Variants in ERN1 observed in about 807,000 individuals in gnomAD.
ERN1 encodes the protein endoplasmic reticulum to nucleus signaling 1.
A neutral mutation model predicts 113.1 loss-of-function variants in ERN1; 39 were observed. That is an observed-to-expected ratio of 0.34 (90% CI 0.27 to 0.45). The LOEUF is 0.45. Among genes scored for constraint, ERN1 ranks in the 20% least tolerant of loss-of-function variants. ERN1 has a pLI of 1.00. For synonymous variants in ERN1, 507 were observed against 515.9 expected (o/e 0.98, Z 0.23); for missense variants, 976 against 1,274.8 (o/e 0.77, Z 3.57).
intron 1 of ERN1, among the ~76,000 whole-genome samples, chr17:64,105,470 C>T (rs1914499696): frequency 6.6e-6 from 1 of 152,168 alleles, no homozygotes; most frequent in Non-Finnish European, 1.5e-5. Flanking sequence ...CACACCTCCA[C>T]TCCAACAGAC....
rs757626779 is a variant in ERN1, at chr17:64,049,123, G to A, written c.2333C>T (p.Ser778Phe). ...GAGGATGTTGGCCTGCCGCTGCAGG[G>A]ACTTGCCAAAAGGGTGGCTGCCCTC... ...ISEGSHPFGK[S>F]LQRQANILLG... Residue 778 changes from serine (S) to phenylalanine (F), a missense_variant, in exon 18 of 22, where the codon TCC becomes TTC. By Grantham distance (155) the Ser-to-Phe change is radical. This residue lies in a region of ERN1 where 297 missense variants were observed against 457.8 expected (regional missense o/e 0.65). Coordinates refer to ENST00000433197, the MANE Select transcript of ERN1 (RefSeq NM_001433.5). The surrounding 1 kb of genome is among the most constrained non-coding windows in gnomAD (Gnocchi z 4.7). 5.0e-6 allele frequency: 8 copies of A among 1,611,006 alleles called. No homozygotes were observed. The highest frequency in any genetic ancestry group is 6.8e-6 in the Non-Finnish European group (8 of 1,177,726).
Position 64,042,043 on chromosome 17 carries a change from G to A in ERN1, c.*1945C>T, listed in dbSNP as rs1197103362. ...ACGAGCTGGGCTGGGGGCACTCCCT[G>A]TGGCAGGCCTGTTAAATCACTCGTG... On this transcript the variant is annotated 3_prime_UTR_variant, in exon 22 of 22. Transcript: ENST00000433197. The A allele has an allele frequency of 6.6e-6, 1 of 152,282 alleles. No individual in the cohort carries two copies. Among genetic ancestry groups the A allele is most frequent in the Admixed American group, 6.5e-5 (1 of 15,292 alleles). The allele number at this position is 152,282 out of a possible 1,614,324, so 9.4% of individuals were successfully genotyped here.
chr17:64,073,388 G>T (rs183708207), intron 5 of ERN1, among the ~76,000 whole-genome samples: 1 of 146,116 alleles, frequency 6.8e-6, no homozygotes, highest in East Asian at 2.0e-4. Context: ...TGTTAGTCAG[G>T]ATGGTCTCCA....
chr17:64,126,403 T>C (rs1915081831), intron 1 of ERN1, among the ~76,000 whole-genome samples: 1 of 151,828 alleles, frequency 6.6e-6, no homozygotes, highest in African/African-American at 2.4e-5. Flanking sequence ...AAAAACGGAG[T>C]CCAAATCTGG....
intron 18 of ERN1, 92 bp downstream of exon 18, chr17:64,048,963 C>G: frequency 7.7e-7 from 1 of 1,303,508 alleles, no homozygotes; most frequent in South Asian, 1.8e-5. Context: ...ACCACGGCCT[C>G]TGTGAGTGCA....
At chr17:64,067,645 C>T (rs1179464385) in intron 7 of ERN1, among the ~76,000 whole-genome samples, 1 of 151,742 alleles carries the variant, frequency 6.6e-6, no homozygotes, top group Non-Finnish European at 1.5e-5. Flanking sequence ...GAAAGTCAGA[C>T]CTGAACCACT....
In ERN1 at chr17:64,095,638, G is replaced by A. The variant is rs75491046; in HGVS notation, c.175+2483C>T. Among the ~76,000 whole-genome samples, 298 of 152,050 alleles carry A rather than the reference G, an allele frequency of 2.0e-3. 11 individuals carry two copies. In the East Asian group the frequency reaches 0.047, roughly 24 times the overall value. On this transcript the variant is annotated intron_variant, in intron 2 of 21. Coordinates refer to ENST00000433197, the MANE Select transcript of ERN1 (RefSeq NM_001433.5). ...CCCACACACAGCTGCTAGAGTCATC[G>A]AAAAGCGAGCACCTGTTGAGTCACT...
Position 64,043,962 on chromosome 17 carries a change from CA to C in ERN1, c.*25del. On this transcript the variant is annotated 3_prime_UTR_variant, in exon 22 of 22. Coordinates refer to ENST00000433197, the MANE Select transcript of ERN1 (RefSeq NM_001433.5). ...CCAGGCCCTCAGTCACAGCTGGGGC[CA>C]CCAGAACAGAGGGGCCGCCCTCGCT... 6.6e-7 allele frequency: 1 copy of C among 1,515,410 alleles called. No individual in the cohort carries two copies. Among genetic ancestry groups the C allele is most frequent in the Non-Finnish European group, 9.1e-7 (1 of 1,099,204 alleles). 93.9% of individuals were successfully genotyped at this position (1,515,410 alleles called of 1,614,324 possible).
chr17:64,044,204 CA>C lies in ERN1; in HGVS notation c.2722-5del. ...GCAGCTCCCGGTAGTGGTGCTTCTG[CA>C]AAGAGTTAGAAAGCTCGGGAGATTA... is the stretch of plus-strand genomic sequence containing the variant. On this transcript the variant is annotated splice_polypyrimidine_tract_variant and splice_region_variant and intron_variant, in intron 21 of 21. Coordinates refer to ENST00000433197, the MANE Select transcript of ERN1 (RefSeq NM_001433.5). This position sits in a 1 kb window ranked among gnomAD's most constrained non-coding sequence, Gnocchi z 4.1. 6.6e-7 allele frequency: 1 copy of C among 1,522,614 alleles called. No homozygotes were observed. The highest frequency in any genetic ancestry group is 1.4e-5 in the African/African-American group (1 of 72,154). 94.3% of individuals were successfully genotyped at this position (1,522,614 alleles called of 1,614,324 possible).
intron 3 of ERN1, 36 bp downstream of exon 3, chr17:64,080,739 A>G (rs776286541): frequency 1.3e-6 from 2 of 1,597,432 alleles, no homozygotes; most frequent in Admixed American, 3.4e-5. Flanking sequence ...AGAAGACTGA[A>G]TTAAAGGGAA....
In ERN1 at chr17:64,044,262, C is replaced by A; in HGVS notation, c.2722-62G>T. Reference sequence around the variant, plus strand: ...GGTTAGAAAGCTCGGGAAATGTTGGCAAAACACCCTTTCATCATGCAAGGA... The same window carrying A: ...GGTTAGAAAGCTCGGGAAATGTTGGAAAAACACCCTTTCATCATGCAAGGA... On this transcript the variant is annotated intron_variant, in intron 21 of 21. Transcript: ENST00000433197. This position sits in a 1 kb window ranked among gnomAD's most constrained non-coding sequence, Gnocchi z 4.1. 1.7e-6 allele frequency: 2 copies of A among 1,178,426 alleles called. No individual in the cohort carries two copies. The highest frequency in any genetic ancestry group is 2.6e-5 in the East Asian group (1 of 37,964). The allele number at this position is 1,178,426 out of a possible 1,614,324, so 73.0% of individuals were successfully genotyped here. A position where few individuals can be genotyped will look rare whatever the true frequency, so the allele number is the denominator to read the frequency against.
At chr17:64,089,473 A>AT (rs1914029625) in intron 2 of ERN1, among the ~76,000 whole-genome samples, 1 of 152,144 alleles carries the variant, frequency 6.6e-6, no homozygotes, top group African/African-American at 2.4e-5. Context: ...TGGGTTTCAG[A>AT]TTTTCAGATT....
chr17:64,075,264 AAAG>A lies in ERN1; in HGVS notation c.283-20_283-18del. On this transcript the variant is annotated intron_variant, in intron 4 of 21. Transcript: ENST00000433197. ...AGGAAGTTTCTTTAAAAAAAAAAAA[AAAG>A]AAAAAAAAAAGTTAACCAAGTCTTG... 4.0e-6 allele frequency: 6 copies of A among 1,489,202 alleles called. No individual in the cohort carries two copies. The highest frequency in any genetic ancestry group is 5.3e-6 in the Non-Finnish European group (6 of 1,126,766). 92.2% of individuals were successfully genotyped at this position (1,489,202 alleles called of 1,614,324 possible). A position where few individuals can be genotyped will look rare whatever the true frequency, so the allele number is the denominator to read the frequency against.
intron 6 of ERN1, 40 bp downstream of exon 6, chr17:64,071,941 G>C (rs1913433056): frequency 6.5e-7 from 1 of 1,549,114 alleles, no homozygotes. Flanking sequence ...CGATCTTCTG[G>C]AAACAGGCAG....
intron 2 of ERN1, among the ~76,000 whole-genome samples, chr17:64,096,882 T>A (rs1914245504): frequency 1.3e-5 from 2 of 152,234 alleles, no homozygotes; most frequent in East Asian, 3.8e-4. Flanking sequence ...AGGGTGAAGA[T>A]GCCCTGCCTG....
At position 64,066,763 on chromosome 17, in the gene ERN1, C is replaced by T. The variant is rs1311737208; in HGVS notation, c.750G>A (p.Leu250=). Residue 250 remains leucine, a synonymous_variant, in exon 8 of 22, where the codon CTG becomes CTA. Transcript: ENST00000433197. ...VMHINVAVET[L]RYLTFMSGEV... ...CCCCAGACATGAAGGTCAGATAGCG[C>T]AGGGTCTCCACAGCGACATTGATGT... 1.9e-6 allele frequency: 3 copies of T among 1,613,794 alleles called. No homozygotes were observed. The highest frequency in any genetic ancestry group is 1.3e-5 in the African/African-American group (1 of 74,886).
In ERN1 at chr17:64,064,051, T is replaced by C. The variant is rs371802368; in HGVS notation, c.1022A>G (p.Lys341Arg). 1.9e-5 allele frequency: 31 copies of C among 1,613,848 alleles called. No individual in the cohort carries two copies. In the East Asian group the frequency reaches 4.7e-4, roughly 24 times the overall value. ...CTTGCTTTTGAGTCCGGGATCAAACTTGACGTCCGTGCTGGGCGTGATCAC... is the reference window on the plus strand; with the variant it reads ...CTTGCTTTTGAGTCCGGGATCAAACCTGACGTCCGTGCTGGGCGTGATCAC... ...ECVITPSTDV[K>R]FDPGLKSKNK... is the part of the protein sequence containing the mutation. Residue 341 changes from lysine (K) to arginine (R), a missense_variant, in exon 10 of 22, where the codon AAG becomes AGG. Around this residue, in one of 5 missense-constraint regions of ERN1, gnomAD observed 459 missense variants for 581.2 expected, o/e 0.79. Transcript: ENST00000433197.
At chr17:64,075,471 C>G (rs1016509533) in intron 4 of ERN1, among the ~76,000 whole-genome samples, 6 of 152,100 alleles carry the variant, frequency 3.9e-5, no homozygotes, top group African/African-American at 7.2e-5. Context: ...CTCATTCTGT[C>G]GCCCAGGCTG....
At chr17:64,121,199 C>G (rs1478596856) in intron 1 of ERN1, among the ~76,000 whole-genome samples, 2 of 152,210 alleles carry the variant, frequency 1.3e-5, no homozygotes, top group Non-Finnish European at 2.9e-5. Context: ...CCTGTCATCA[C>G]AGACCTGCTC....
Sources: allele counts gnomAD v4.1 joint callset (sites outside exome capture counted in the v4.1 genomes callset), GRCh38; gene constraint gnomAD v4.1.1; regional missense constraint gnomAD v4.1.1; non-coding constraint Gnocchi (gnomAD v3.1); transcripts MANE v1.5; gene names NCBI Gene and HGNC (gene_info 2026-07-23, HGNC 2026-07-21).